The following SLC18A2 variants were observed in gnomAD, a reference collection of about 807,000 sequenced individuals.
The protein encoded by SLC18A2 is solute carrier family 18 member A2, also known as synaptic vesicular amine transporter.
SLC18A2 carries 33 observed loss-of-function variants against 59.2 expected under a neutral mutation model. The observed-to-expected ratio is 0.56, with a 90% confidence interval of 0.42 to 0.75. The LOEUF (loss-of-function observed/expected upper bound fraction) is 0.75, where lower values mean the gene tolerates loss of function less well. Among genes scored for constraint, SLC18A2 ranks in the 30% least tolerant of loss-of-function variants. The pLI, the probability that SLC18A2 is intolerant of heterozygous loss-of-function variation, is 0.00. For synonymous variants in SLC18A2, 228 were observed against 253.5 expected, an observed-to-expected ratio of 0.90 and a Z score of 0.95; for missense variants, 569 against 668.6, an observed-to-expected ratio of 0.85 and a Z score of 1.64.
At chr10:117,268,959 TAC>T (rs1312874935) in intron 13 of SLC18A2, among the ~76,000 whole-genome samples, 3 of 146,026 alleles carry the variant, frequency 2.1e-5, no homozygotes, top group East Asian at 4.0e-4. Context: ...TACATACACA[TAC>T]ACACTCATAC....
Position 117,244,149 on chromosome 10 carries a change from G to C in SLC18A2, c.300G>C (p.Gln100His). ...GNATRDLTLHQTATQHMVTNA... is the reference protein window; with the variant it reads ...GNATRDLTLHHTATQHMVTNA... ...CTACCAGAGACCTGACACTTCATCA[G>C]ACCGCCACACAGCACATGGTGACCA... is the stretch of plus-strand genomic sequence containing the variant. Residue 100 changes from glutamine (Q) to histidine (H), a missense_variant, in exon 3 of 16, where the codon CAG becomes CAC. This residue lies in a region of SLC18A2 where 377 missense variants were observed against 389.8 expected (regional missense o/e 0.97). Transcript: ENST00000644641. 1 of 1,614,176 alleles carries C rather than the reference G, an allele frequency of 6.2e-7. No homozygotes were observed. The highest frequency in any genetic ancestry group is 8.5e-7 in the Non-Finnish European group (1 of 1,180,042).
chr10:117,258,355 C>G (rs574661745), intron 10 of SLC18A2, among the ~76,000 whole-genome samples: 111 of 152,304 alleles, frequency 7.3e-4, no homozygotes, highest in Admixed American at 1.3e-3. Context: ...CTCCCTCCCC[C>G]AGCCCATCTC....
intron 14 of SLC18A2, 38 bp from the exon 15 acceptor site, chr10:117,270,292 T>A: frequency 6.2e-7 from 1 of 1,613,886 alleles, no homozygotes; most frequent in South Asian, 1.1e-5. Context: ...CTACAAGACA[T>A]TTGGAAGAGC....
rs540440594 is a variant in SLC18A2 at position 117,255,549 on chromosome 10, G to T, written c.834+27G>T. On this transcript the variant is annotated intron_variant, in intron 8 of 15. Coordinates refer to ENST00000644641, the MANE Select transcript of SLC18A2 (RefSeq NM_003054.6). ...TAAGCGGCTGGGAATGAGGGCCCTG[G>T]GGGAGGGGGCATGGTGCTGCTTCTG... 42 of 1,614,140 alleles carry T rather than the reference G, an allele frequency of 2.6e-5. No homozygotes were observed. In the South Asian group the frequency reaches 4.3e-4, roughly 16 times the overall value.
In SLC18A2 at chr10:117,255,703, G is replaced by A. The variant is rs747272267; in HGVS notation, c.895+46G>A. The A allele has an allele frequency of 1.9e-6, 3 of 1,574,462 alleles. No homozygotes were observed. In the East Asian group the frequency reaches 6.7e-5, roughly 35 times the overall value. ...TGAGTCAGGGGAATGCGAGGTGATG[G>A]CCGCGTGCTGGAGGCAGGGGTGGAT... is the stretch of plus-strand genomic sequence containing the variant. On this transcript the variant is annotated intron_variant, in intron 9 of 15. Coordinates refer to ENST00000644641, the MANE Select transcript of SLC18A2 (RefSeq NM_003054.6).
intron 10 of SLC18A2, among the ~76,000 whole-genome samples, chr10:117,260,281 G>C (rs1198868537): frequency 1.3e-5 from 2 of 152,226 alleles, no homozygotes; most frequent in African/African-American, 4.8e-5. Flanking sequence ...CTCTCTGCCT[G>C]CTTTCATGTT....
At position 117,255,533 on chromosome 10, in the gene SLC18A2, G is replaced by C. The variant is rs1327912351; in HGVS notation, c.834+11G>C. On this transcript the variant is annotated intron_variant, in intron 8 of 15. Coordinates refer to ENST00000644641, the MANE Select transcript of SLC18A2 (RefSeq NM_003054.6). ...CGGGTGCAGCCAGAGGTAAGCGGCTGGGAATGAGGGCCCTGGGGGAGGGGG... is the reference window on the plus strand; with the variant it reads ...CGGGTGCAGCCAGAGGTAAGCGGCTCGGAATGAGGGCCCTGGGGGAGGGGG... 6.2e-7 allele frequency: 1 copy of C among 1,614,146 alleles called. No individual in the cohort carries two copies. The highest frequency in any genetic ancestry group is 1.7e-5 in the Admixed American group (1 of 60,024).
chr10:117,255,457 CT>C lies in SLC18A2; in HGVS notation c.791-16del. The C allele has an allele frequency of 2.5e-6, 4 of 1,614,066 alleles. No individual in the cohort carries two copies. The South Asian group carries it at 3.3e-5, about 13-fold the overall frequency. ...ACCTGCTTTCTGAAGAGGGGCTTGT[CT>C]TTTTTATTTTTATTTTTTAGCTATT... On this transcript the variant is annotated intron_variant, in intron 7 of 15. Coordinates refer to ENST00000644641, the MANE Select transcript of SLC18A2 (RefSeq NM_003054.6).
At chr10:117,256,292 T>G (rs1844229228) in intron 9 of SLC18A2, among the ~76,000 whole-genome samples, 1 of 152,156 alleles carries the variant, frequency 6.6e-6, no homozygotes, top group Non-Finnish European at 1.5e-5. Flanking sequence ...ACTGTCCCAG[T>G]GGTAGGAGGC....
At chr10:117,250,923 C>T (rs959184341) in intron 3 of SLC18A2, among the ~76,000 whole-genome samples, 1 of 152,186 alleles carries the variant, frequency 6.6e-6, no homozygotes, top group Non-Finnish European at 1.5e-5. Context: ...CACAGTATGG[C>T]TGGTGGTTTG....
intron 12 of SLC18A2, 97 bp from the exon 13 acceptor site, chr10:117,267,576 A>T (rs544863459): frequency 3.5e-6 from 3 of 867,006 alleles, no homozygotes; most frequent in Non-Finnish European, 5.4e-6. Flanking sequence ...GGGAACAGGC[A>T]TACCACGCTC....
intron 9 of SLC18A2, among the ~76,000 whole-genome samples, chr10:117,256,123 C>G (rs1423343597): frequency 6.6e-6 from 1 of 152,200 alleles, no homozygotes; most frequent in African/African-American, 2.4e-5. Context: ...GGGCTCCCTT[C>G]TTGCAGAGAG....
intron 3 of SLC18A2, among the ~76,000 whole-genome samples, chr10:117,252,642 A>G (rs1237109325): frequency 6.6e-6 from 1 of 152,180 alleles, no homozygotes; most frequent in Non-Finnish European, 1.5e-5. Context: ...TTTCTTAGGC[A>G]CCTTCTATGC....
At position 117,241,699 on chromosome 10, in the gene SLC18A2, C is replaced by T. The variant is rs748260747; in HGVS notation, c.6C>T (p.Ala2=). 2 of 1,594,272 alleles carry T rather than the reference C, an allele frequency of 1.3e-6. No homozygotes were observed. Among genetic ancestry groups the T allele is most frequent in the East Asian group, 2.3e-5 (1 of 43,704 alleles). Residue 2 remains alanine (A), a synonymous_variant, in exon 2 of 16, where the codon GCC becomes GCT. Coordinates refer to ENST00000644641, the MANE Select transcript of SLC18A2 (RefSeq NM_003054.6). The part of the protein sequence containing the change: M[A]LSELALVRWL... ...CGCAGCGGAGCCCCGGAGCCATGGC[C>T]CTGAGCGAGCTGGCGCTGGTCCGCT...
At position 117,274,605 on chromosome 10, in the gene SLC18A2, G is replaced by T. The variant is rs980128941; in HGVS notation, c.1441-2557G>T. 2.2e-4 allele frequency among the ~76,000 whole-genome samples: 33 copies of T among 152,272 alleles called. 1 individual carries two copies. Among genetic ancestry groups the T allele is most frequent in the African/African-American group, 7.9e-4 (33 of 41,538 alleles). ...GGTGTCCCAACTGGTATCTCACTGTGCCTCCTCAGCAGACCTCTGTGGTGG... is the reference window on the plus strand; with the variant it reads ...GGTGTCCCAACTGGTATCTCACTGTTCCTCCTCAGCAGACCTCTGTGGTGG... On this transcript the variant is annotated intron_variant, in intron 15 of 15. Transcript: ENST00000644641.
chr10:117,270,615 T>A (rs546463487), intron 15 of SLC18A2, 152 bp downstream of exon 15: 1 of 810,964 alleles, frequency 1.2e-6, no homozygotes, highest in East Asian at 2.8e-5. Context: ...ACTTCTTTTA[T>A]TTTTTTATTA....
chr10:117,250,344 C>T (rs1178859747), intron 3 of SLC18A2, among the ~76,000 whole-genome samples: 1 of 152,196 alleles, frequency 6.6e-6, no homozygotes, highest in Non-Finnish European at 1.5e-5. Flanking sequence ...TGCTCTGCAG[C>T]CATGGGTGAG....
chr10:117,269,296 C>T lies in SLC18A2; in HGVS notation c.1187-775C>T, dbSNP rs535100120. Among the ~76,000 whole-genome samples the T allele has an allele frequency of 4.0e-5, 6 of 150,766 alleles. No individual in the cohort carries two copies. The highest frequency in any genetic ancestry group is 8.8e-5 in the Non-Finnish European group (6 of 67,858). The stretch of plus-strand genomic sequence containing the variant: ...GCAAACACATGTACACACATATATA[C>T]ACATACATACACAGATACATATATA... On this transcript the variant is annotated intron_variant, in intron 13 of 15. Transcript: ENST00000644641. This position sits in a 1 kb window ranked among gnomAD's most constrained non-coding sequence, Gnocchi z 5.1.
At chr10:117,265,289 A>G (rs1440052003) in intron 10 of SLC18A2, among the ~76,000 whole-genome samples, 1 of 152,136 alleles carries the variant, frequency 6.6e-6, no homozygotes, top group Non-Finnish European at 1.5e-5. Context: ...TTGATGGTAG[A>G]CGTTCGTGCT....
Sources: allele counts gnomAD v4.1 joint callset (sites outside exome capture counted in the v4.1 genomes callset), GRCh38; gene constraint gnomAD v4.1.1; regional missense constraint gnomAD v4.1.1; non-coding constraint Gnocchi (gnomAD v3.1); transcripts MANE v1.5; gene names NCBI Gene and HGNC (gene_info 2026-07-23, HGNC 2026-07-21).